RORA: variants seen among roughly 807,000 people sequenced by gnomAD.
RORA encodes nuclear receptor ROR-alpha.
A neutral mutation model predicts 69.5 loss-of-function variants in RORA; 7 were observed. The observed-to-expected ratio is 0.10, with a 90% CI of 0.06 to 0.19. The LOEUF is 0.19. Ranked by LOEUF, RORA falls within the 10% of genes least tolerant of loss-of-function variation. RORA has a pLI of 1.00. For missense variants in RORA, 457 were observed against 663.0 expected (o/e 0.69, Z 3.41); for synonymous variants, 261 against 240.8 (o/e 1.08, Z -0.78).
intron 2 of RORA, among the ~76,000 whole-genome samples, chr15:60,553,168 A>G (rs1177162626): frequency 3.3e-5 from 5 of 152,216 alleles, no homozygotes. Context: ...TTTTTATCTG[A>G]TCCCAGATAA....
chr15:60,780,682 A>G (rs912848743), intron 1 of RORA, among the ~76,000 whole-genome samples: 7 of 152,244 alleles, frequency 4.6e-5, no homozygotes, highest in Non-Finnish European at 8.8e-5. Flanking sequence ...TGATTAAAAC[A>G]ACAAAACAAA....
chr15:61,219,180 T>C (rs1241351492), intron 1 of RORA, among the ~76,000 whole-genome samples: 1 of 152,200 alleles, frequency 6.6e-6, no homozygotes, highest in African/African-American at 2.4e-5. Flanking sequence ...AAAATAACAA[T>C]TACTGACAAT....
chr15:60,623,456 G>GAT (rs1447620348), intron 2 of RORA, among the ~76,000 whole-genome samples: 2 of 152,214 alleles, frequency 1.3e-5, no homozygotes, highest in African/African-American at 4.8e-5. Flanking sequence ...ACCCAGGGCT[G>GAT]ATATACCCTA....
At chr15:60,886,147 T>C (rs146625492) in intron 1 of RORA, among the ~76,000 whole-genome samples, 16 of 152,328 alleles carry the variant, frequency 1.1e-4, no homozygotes, top group African/African-American at 3.8e-4. Context: ...AATTGTTATA[T>C]GTGGAGATTA....
At chr15:60,724,450 C>A (rs1043317564) in intron 1 of RORA, among the ~76,000 whole-genome samples, 4 of 152,290 alleles carry the variant, frequency 2.6e-5, no homozygotes, top group African/African-American at 9.6e-5. Context: ...TGAACCCATA[C>A]ACTTTGAATG....
chr15:60,732,726 T>A (rs770608606), intron 1 of RORA, among the ~76,000 whole-genome samples: 11 of 151,864 alleles, frequency 7.2e-5, no homozygotes, highest in Non-Finnish European at 1.3e-4. Context: ...AACCAACACA[T>A]GAACACTTAC....
chr15:60,845,117 A>G (rs1211773810), intron 1 of RORA, among the ~76,000 whole-genome samples: 4 of 152,204 alleles, frequency 2.6e-5, no homozygotes, highest in Non-Finnish European at 5.9e-5. Flanking sequence ...ACACTGGTAT[A>G]AAATGAAAAG....
chr15:61,100,468 C>G (rs2078863361), intron 1 of RORA, among the ~76,000 whole-genome samples: 1 of 152,158 alleles, frequency 6.6e-6, no homozygotes, highest in African/African-American at 2.4e-5. Flanking sequence ...GAGCATTTTG[C>G]AAAGCTGGAA....
intron 1 of RORA, among the ~76,000 whole-genome samples, chr15:60,846,193 G>C (rs113072925): frequency 6.6e-6 from 1 of 152,214 alleles, no homozygotes; most frequent in African/African-American, 2.4e-5. Flanking sequence ...TTAAACCAAA[G>C]ATAGCAGCAA....
intron 1 of RORA, among the ~76,000 whole-genome samples, chr15:60,981,436 G>C (rs561653210): frequency 6.6e-5 from 10 of 152,044 alleles, no homozygotes; most frequent in Middle Eastern, 6.8e-3. Flanking sequence ...CTCTTTATGG[G>C]TGTATTGATG....
At chr15:60,671,081 T>G (rs1437085480) in intron 2 of RORA, among the ~76,000 whole-genome samples, 2 of 143,924 alleles carry the variant, frequency 1.4e-5, no homozygotes, top group Non-Finnish European at 3.0e-5. Context: ...TATATATATA[T>G]ATATATATAT....
chr15:60,914,362 A>G (rs1361690932), intron 1 of RORA, among the ~76,000 whole-genome samples: 1 of 152,168 alleles, frequency 6.6e-6, no homozygotes, highest in Non-Finnish European at 1.5e-5. Flanking sequence ...TGAATTCATT[A>G]AGTCCACCAC....
chr15:60,826,796 T>A (rs996379272), intron 1 of RORA, among the ~76,000 whole-genome samples: 1 of 128,244 alleles, frequency 7.8e-6, no homozygotes, highest in African/African-American at 2.6e-5. Flanking sequence ...TCTCTTTTTT[T>A]TTTAAAGACA....
intron 1 of RORA, among the ~76,000 whole-genome samples, chr15:60,686,093 C>G (rs2070743750): frequency 6.6e-6 from 1 of 152,150 alleles, no homozygotes; most frequent in Non-Finnish European, 1.5e-5. Context: ...CTCTCCATCT[C>G]TAGGTCATAT....
intron 1 of RORA, among the ~76,000 whole-genome samples, chr15:61,141,468 A>C (rs2079297873): frequency 6.6e-6 from 1 of 152,226 alleles, no homozygotes; most frequent in Non-Finnish European, 1.5e-5. Flanking sequence ...GAAAAGTGGC[A>C]AAATGATCCA....
intron 2 of RORA, among the ~76,000 whole-genome samples, chr15:60,602,222 A>G (rs552099909): frequency 2.6e-5 from 4 of 152,338 alleles, no homozygotes; most frequent in African/African-American, 7.2e-5. Flanking sequence ...ATCAGAGTTC[A>G]AGACACTCAA....
At chr15:61,130,256 T>A (rs952153523) in intron 1 of RORA, among the ~76,000 whole-genome samples, 4 of 152,134 alleles carry the variant, frequency 2.6e-5, no homozygotes, top group African/African-American at 9.7e-5. Flanking sequence ...TTGGAAGGGA[T>A]GAGATAAATG....
chr15:61,110,185 T>C (rs1483489247), intron 1 of RORA, among the ~76,000 whole-genome samples: 1 of 151,870 alleles, frequency 6.6e-6, no homozygotes, highest in Non-Finnish European at 1.5e-5. Flanking sequence ...GATCACGAGG[T>C]CAAGAGATCA....
At chr15:60,524,299 G>A (rs1039482817) in intron 3 of RORA, among the ~76,000 whole-genome samples, 3 of 152,120 alleles carry the variant, frequency 2.0e-5, no homozygotes, top group African/African-American at 4.8e-5. Context: ...ATTTCACACA[G>A]TTACTAAAGA....
Sources: gnomAD v4.1 joint callset for allele counts (sites outside exome capture counted in the v4.1 genomes callset) on GRCh38, gnomAD v4.1.1 for gene constraint, MANE v1.5 for transcripts, NCBI Gene and HGNC (gene_info 2026-07-23, HGNC 2026-07-21) for gene names.